KANSL1: variants seen among roughly 807,000 people sequenced by gnomAD.
KANSL1 encodes the protein KAT8 regulatory NSL complex subunit 1, also known as MLL1/MLL complex subunit KANSL1.
A neutral mutation model predicts 103.6 loss-of-function variants in KANSL1; 22 were observed. The ratio of observed to expected loss-of-function variants is 0.21; its 90% CI spans 0.15 to 0.30. The LOEUF is 0.30. Among genes scored for constraint, KANSL1 ranks in the 10% least tolerant of loss-of-function variants. The pLI, the probability that KANSL1 is intolerant of heterozygous loss-of-function variation, is 1.00. For synonymous variants in KANSL1, 600 were observed against 527.6 expected, an observed-to-expected ratio of 1.14 and a Z score of -1.88; for missense variants, 1,337 against 1,399.8, an observed-to-expected ratio of 0.96 and a Z score of 0.72.
rs2046291639 is a variant in KANSL1, at chr17:46,171,545, T to C, written c.599A>G (p.Asp200Gly). The change falls in exon 2 of 15, where the codon GAC (aspartate) becomes GGC (glycine). Residue 200 changes from aspartate (D) to glycine (G), a missense_variant. This residue lies in a region of KANSL1 where 557 missense variants were observed against 476.4 expected (regional missense o/e 1.17). Coordinates refer to ENST00000432791, the MANE Select transcript of KANSL1 (RefSeq NM_015443.4). ...GGEMGGSESG[D>G]LKGGMTNCTL... ...GCAATTGGTCATACCCCCCTTCAAG[T>C]CCCCAGATTCAGATCCTCCCATTTC... is the stretch of plus-strand genomic sequence containing the variant. 1.9e-6 allele frequency: 3 copies of C among 1,611,388 alleles called. No homozygotes were observed. The South Asian group carries it at 3.3e-5, about 18-fold the overall frequency.
chr17:46,186,353 C>G (rs1459596591), intron 1 of KANSL1, among the ~76,000 whole-genome samples: 2 of 150,786 alleles, frequency 1.3e-5, no homozygotes, highest in African/African-American at 4.9e-5. Flanking sequence ...ACTGCACCTC[C>G]AGCCTGGGGC....
At chr17:46,220,095 TC>T (rs2048477753) in intron 1 of KANSL1, among the ~76,000 whole-genome samples, 1 of 152,014 alleles carries the variant, frequency 6.6e-6, no homozygotes, top group African/African-American at 2.4e-5. Flanking sequence ...AGAGTGAGGC[TC>T]CGTCTCAAAA....
At chr17:46,127,750 C>A (rs1290506225) in intron 2 of KANSL1, among the ~76,000 whole-genome samples, 1 of 151,704 alleles carries the variant, frequency 6.6e-6, no homozygotes, top group Admixed American at 6.6e-5. Context: ...TGCACTCCAG[C>A]CTGGGCAACA....
chr17:46,050,772 C>T (rs1032067811), intron 6 of KANSL1, 68 bp from the exon 7 acceptor site: 2 of 1,445,100 alleles, frequency 1.4e-6, no homozygotes, highest in Non-Finnish European at 1.9e-6. Flanking sequence ...CATTTGTTAT[C>T]CCCATTTGTT....
intron 1 of KANSL1, among the ~76,000 whole-genome samples, chr17:46,211,774 G>T (rs1162628434): frequency 6.6e-6 from 1 of 152,206 alleles, no homozygotes; most frequent in Non-Finnish European, 1.5e-5. Flanking sequence ...TGCTTGAAAA[G>T]TATTTCTTTA....
At chr17:46,183,973 T>G (rs1213313918) in intron 1 of KANSL1, among the ~76,000 whole-genome samples, 1 of 152,130 alleles carries the variant, frequency 6.6e-6, no homozygotes, top group Non-Finnish European at 1.5e-5. Flanking sequence ...ACTTCAAGCA[T>G]CCCATATTCA....
chr17:46,084,697 T>TAAAAAAAAAAAAAAAAAAA (rs67108405), intron 3 of KANSL1, among the ~76,000 whole-genome samples: 4 of 74,508 alleles, frequency 5.4e-5, no homozygotes, highest in African/African-American at 2.3e-4. Context: ...TTTTAAAAAT[T>TAAAAAAAAAAAAAAAAAAA]AAAAAAAAAA....
At chr17:46,211,386 A>G (rs1397833598) in intron 1 of KANSL1, among the ~76,000 whole-genome samples, 1 of 152,226 alleles carries the variant, frequency 6.6e-6, no homozygotes, top group Non-Finnish European at 1.5e-5. Flanking sequence ...ATAGCTGATG[A>G]GCTAAAAAAG....
intron 6 of KANSL1, among the ~76,000 whole-genome samples, chr17:46,061,229 C>A (rs574279281): frequency 2.6e-5 from 4 of 152,222 alleles, no homozygotes; most frequent in Admixed American, 1.3e-4. Flanking sequence ...AATAAAACTA[C>A]ATTCTTTTCT....
At chr17:46,059,647 A>AGAGAG (rs149985527) in intron 6 of KANSL1, among the ~76,000 whole-genome samples, 1,088 of 54,778 alleles carry the variant, frequency 0.02, 10 homozygotes, top group African/African-American at 0.026. Flanking sequence ...AAAAAAAAAA[A>AGAGAG]AGAGAGAGAG....
chr17:46,104,713 CAAAG>C (rs1486877395), intron 2 of KANSL1, among the ~76,000 whole-genome samples: 1 of 152,064 alleles, frequency 6.6e-6, no homozygotes, highest in Non-Finnish European at 1.5e-5. Context: ...AATGGCATGA[CAAAG>C]AAGTATGGAA....
chr17:46,159,500 T>C (rs1188077080), intron 2 of KANSL1, among the ~76,000 whole-genome samples: 6 of 152,200 alleles, frequency 3.9e-5, no homozygotes, highest in African/African-American at 1.4e-4. Context: ...GACACTGAAA[T>C]GACACAAATA....
chr17:46,066,437 G>T, intron 6 of KANSL1, 100 bp downstream of exon 6: 1 of 1,044,818 alleles, frequency 9.6e-7, no homozygotes, highest in Non-Finnish European at 1.3e-6. Context: ...AGACCTTGGT[G>T]GTTAGCCAAG....
At chr17:46,091,311 A>G (rs2097760) in intron 3 of KANSL1, among the ~76,000 whole-genome samples, 34,439 of 151,944 alleles carry the variant, frequency 0.23, 4,472 homozygotes, top group African/African-American at 0.32. Context: ...ATTACAATGT[A>G]TTTGTGTTTT....
intron 4 of KANSL1, among the ~76,000 whole-genome samples, chr17:46,071,987 T>C (rs75626008): frequency 0.16 from 20,208 of 130,090 alleles, 1,924 homozygotes; most frequent in Middle Eastern, 0.24. Context: ...CCCCCACCCC[T>C]CCCCCCGCCC....
chr17:46,183,568 GAGAGGA>G (rs879564135), intron 1 of KANSL1, among the ~76,000 whole-genome samples: 21,926 of 149,480 alleles, frequency 0.15, 2,139 homozygotes, highest in Middle Eastern at 0.22. Context: ...GAGGGGAGGA[GAGAGGA>G]GAGAGGAGAG....
intron 1 of KANSL1, among the ~76,000 whole-genome samples, chr17:46,175,412 T>C (rs1454262728): frequency 6.7e-6 from 1 of 149,846 alleles, no homozygotes; most frequent in African/African-American, 2.4e-5. Context: ...TGCAGTGGCG[T>C]GATCTCGGCT....
chr17:46,097,221 A>G (rs1450325330), intron 2 of KANSL1, among the ~76,000 whole-genome samples: 2 of 152,258 alleles, frequency 1.3e-5, no homozygotes, highest in African/African-American at 4.8e-5. Flanking sequence ...GTATGTATCA[A>G]CATGATTAAA....
chr17:46,134,460 C>T (rs1291917777), intron 2 of KANSL1, among the ~76,000 whole-genome samples: 2 of 152,212 alleles, frequency 1.3e-5, no homozygotes, highest in East Asian at 1.9e-4. Context: ...ACAAGACTAA[C>T]AATCAGATAA....
Sources: allele counts gnomAD v4.1 joint callset (sites outside exome capture counted in the v4.1 genomes callset), GRCh38; gene constraint gnomAD v4.1.1; regional missense constraint gnomAD v4.1.1; transcripts MANE v1.5; gene names NCBI Gene and HGNC (gene_info 2026-07-23, HGNC 2026-07-21).